The following PMM2 variants were observed in gnomAD, a reference collection of about 807,000 sequenced individuals.
PMM2 encodes the protein phosphomannomutase 2.
A neutral mutation model predicts 33.2 loss-of-function variants in PMM2; 35 were observed. That is an observed-to-expected ratio of 1.06 (90% CI 0.81 to 1.40). The LOEUF (loss-of-function observed/expected upper bound fraction) is 1.40. Ranked by LOEUF, PMM2 falls within the 40% of genes most tolerant of loss-of-function variation. The pLI is 0.00. For synonymous variants in PMM2, 153 were observed against 114.7 expected (o/e 1.33, Z -2.13); for missense variants, 386 against 306.0 (o/e 1.26, Z -1.95).
At chr16:8,845,328 ATGG>A (rs1447974082) in intron 7 of PMM2, among the ~76,000 whole-genome samples, 1 of 152,198 alleles carries the variant, frequency 6.6e-6, no homozygotes, top group Non-Finnish European at 1.5e-5. Flanking sequence ...ACAAATCACA[ATGG>A]TGGAATGTCA....
intron 7 of PMM2, among the ~76,000 whole-genome samples, chr16:8,831,756 C>G (rs529531743): frequency 1.3e-5 from 2 of 152,236 alleles, no homozygotes; most frequent in Admixed American, 6.5e-5. Context: ...CATCAGCCCC[C>G]TGGCATCTGA....
intron 7 of PMM2, among the ~76,000 whole-genome samples, chr16:8,813,680 G>T (rs1004494487): frequency 6.6e-6 from 1 of 152,004 alleles, no homozygotes. Context: ...AGAACTGAGA[G>T]CAGAGCCCAG....
At chr16:8,845,180 G>A (rs1377486961) in intron 7 of PMM2, among the ~76,000 whole-genome samples, 2 of 152,150 alleles carry the variant, frequency 1.3e-5, no homozygotes, top group African/African-American at 2.4e-5. Flanking sequence ...TGGGATAGGC[G>A]GTGAAGTTAA....
rs2060676573 is a variant in PMM2 at position 8,811,321 on chromosome 16, G to C, written c.447+143G>C. On this transcript the variant is annotated intron_variant, in intron 5 of 7. Transcript: ENST00000268261. The stretch of plus-strand genomic sequence containing the variant: ...ACTTGAGCCCAGGAGTTCAAGACCA[G>C]CCTAGGCAACATAGTGAGACCTCAT... The C allele has an allele frequency of 5.6e-6, 4 of 709,364 alleles. No homozygotes were observed. In the South Asian group the frequency reaches 6.0e-5, roughly 11 times the overall value. The allele number at this position is 709,364 out of a possible 1,614,324, so 43.9% of individuals were successfully genotyped here. A position where few individuals can be genotyped will look rare whatever the true frequency, so the allele number is the denominator to read the frequency against.
At chr16:8,823,356 C>T (rs1221983259) in intron 7 of PMM2, among the ~76,000 whole-genome samples, 1 of 152,080 alleles carries the variant, frequency 6.6e-6, no homozygotes, top group Non-Finnish European at 1.5e-5. Flanking sequence ...ACAGAGAATT[C>T]AGGATTTAGT....
rs1320338683 is a variant in PMM2 at position 8,801,814 on chromosome 16, A to G, written c.82A>G (p.Met28Val). ...TGAAATTTAGAAAATTACCAAAGAA[A>G]TGGATGACTTCCTACAAAAATTGAG... ...TAPRQKITKE[M>V]DDFLQKLRQK... The change falls in exon 2 of 8, where the codon ATG becomes GTG. Residue 28 changes from methionine (M) to valine (V), a missense_variant. Transcript: ENST00000268261. 2 of 1,608,300 alleles carry G rather than the reference A, an allele frequency of 1.2e-6. No individual in the cohort carries two copies. The highest frequency in any genetic ancestry group is 1.3e-5 in the African/African-American group (1 of 74,724).
At chr16:8,835,277 T>A (rs1470670738) in intron 7 of PMM2, among the ~76,000 whole-genome samples, 4 of 151,712 alleles carry the variant, frequency 2.6e-5, no homozygotes, top group Admixed American at 2.0e-4. Context: ...TTTGGGAGAT[T>A]AATCAGACAC....
chr16:8,847,533 G>C (rs2060935232), intron 7 of PMM2, 191 bp from the exon 8 acceptor site: 1 of 599,506 alleles, frequency 1.7e-6, no homozygotes, highest in African/African-American at 1.9e-5. Flanking sequence ...TTCAAGAGAA[G>C]GTTATAAATC....
intron 7 of PMM2, among the ~76,000 whole-genome samples, chr16:8,841,699 T>G (rs2060891899): frequency 2.4e-5 from 3 of 127,656 alleles, no homozygotes; most frequent in African/African-American, 5.7e-5. Context: ...GTGATCAGGG[T>G]GAGGAACAGG....
intron 1 of PMM2, among the ~76,000 whole-genome samples, chr16:8,798,456 G>A (rs915444068): frequency 3.3e-5 from 5 of 152,136 alleles, no homozygotes; most frequent in African/African-American, 1.2e-4. Context: ...TTTAAATGGG[G>A]ATGTTACCTG....
chr16:8,807,726 C>T (rs1176707902), intron 4 of PMM2: 2 of 152,428 alleles, frequency 1.3e-5, no homozygotes, highest in African/African-American at 4.8e-5. Context: ...AACTCCTGGC[C>T]TCAAGCGATC....
chr16:8,797,983 G>A lies in PMM2; in HGVS notation c.66+35G>A, dbSNP rs771624486. The A allele has an allele frequency of 2.6e-6, 4 of 1,568,524 alleles. No homozygotes were observed. In the South Asian group the frequency reaches 3.5e-5, roughly 14 times the overall value. ...GGCCGGCGGGCTGCTGGCAGCCGACGCGGAGCCCGTGCTGTTCCCAGTTGG... is the reference window on the plus strand; with the variant it reads ...GGCCGGCGGGCTGCTGGCAGCCGACACGGAGCCCGTGCTGTTCCCAGTTGG... On this transcript the variant is annotated intron_variant, in intron 1 of 7. Coordinates refer to ENST00000268261, the MANE Select transcript of PMM2 (RefSeq NM_000303.3).
intron 7 of PMM2, among the ~76,000 whole-genome samples, chr16:8,814,390 C>T (rs796758084): frequency 6.6e-6 from 1 of 152,154 alleles, no homozygotes; most frequent in Non-Finnish European, 1.5e-5. Flanking sequence ...CAGGCTTTCT[C>T]GCCATCCTGC....
At chr16:8,800,342 C>T (rs2060605984) in intron 1 of PMM2, among the ~76,000 whole-genome samples, 1 of 136,888 alleles carries the variant, frequency 7.3e-6, no homozygotes, top group Admixed American at 7.7e-5. Flanking sequence ...GCCTGGGTGA[C>T]AGAGCACGAC....
intron 7 of PMM2, among the ~76,000 whole-genome samples, chr16:8,838,934 G>C (rs1035346960): frequency 2.0e-5 from 3 of 151,946 alleles, no homozygotes; most frequent in South Asian, 2.1e-4. Context: ...GAGTAAGCAA[G>C]GCCTCGGTGG....
intron 6 of PMM2, 58 bp from the exon 7 acceptor site, chr16:8,812,933 C>T: frequency 1.1e-6 from 1 of 941,110 alleles, no homozygotes; most frequent in Admixed American, 1.7e-5. Context: ...TTTTCAGTGA[C>T]ATATCATTAG....
chr16:8,805,098 C>T (rs2060639562), intron 3 of PMM2, among the ~76,000 whole-genome samples: 1 of 152,232 alleles, frequency 6.6e-6, no homozygotes, highest in Non-Finnish European at 1.5e-5. Flanking sequence ...GTCACCCAGG[C>T]TGGAGCTGGA....
chr16:8,844,984 G>A (rs1005559930), intron 7 of PMM2, among the ~76,000 whole-genome samples: 1 of 152,234 alleles, frequency 6.6e-6, no homozygotes, highest in Admixed American at 6.5e-5. Flanking sequence ...ATAGGGGATT[G>A]ATCTCCCAAG....
chr16:8,811,750 C>G, intron 6 of PMM2, 37 bp downstream of exon 6: 1 of 1,385,340 alleles, frequency 7.2e-7, no homozygotes, highest in African/African-American at 1.4e-5. Flanking sequence ...AACTTGGATA[C>G]CCATTTCCCA....
Sources: gnomAD v4.1 joint callset for allele counts (sites outside exome capture counted in the v4.1 genomes callset) on GRCh38, gnomAD v4.1.1 for gene constraint, MANE v1.5 for transcripts, NCBI Gene and HGNC (gene_info 2026-07-23, HGNC 2026-07-21) for gene names.